Variants in SENP8 observed in about 807,000 individuals in gnomAD.
SENP8 encodes sentrin-specific protease 8.
SENP8 carries 10 observed loss-of-function variants against 14.4 expected under a neutral mutation model. That is an observed-to-expected ratio of 0.69 (90% CI 0.43 to 1.18). The LOEUF is 1.18. SENP8 is among the 50% of genes most tolerant of loss of function. The pLI is 0.00. For missense variants in SENP8, 202 were observed against 249.4 expected, an observed-to-expected ratio of 0.81 and a Z score of 1.28; for synonymous variants, 94 against 95.5, an observed-to-expected ratio of 0.98 and a Z score of 0.09.
intron 1 of SENP8, among the ~76,000 whole-genome samples, chr15:72,133,720 AAAT>A (rs2140516067): frequency 6.6e-6 from 1 of 152,332 alleles, no homozygotes; most frequent in East Asian, 1.9e-4. Context: ...TTATTGACTA[AAAT>A]AATGGTATAT....
rs2081368935 is a variant in SENP8 at position 72,140,265 on chromosome 15, A to G, written c.*3A>G. ...TTACCACACTTGCTAAAAAGTAGCT[A>G]TTGAAGTATATTTGCGACTTTTGAA... On this transcript the variant is annotated 3_prime_UTR_variant, in exon 2 of 2. Coordinates refer to ENST00000340912, the MANE Select transcript of SENP8 (RefSeq NM_145204.4). 4.4e-6 allele frequency: 7 copies of G among 1,605,796 alleles called. No individual in the cohort carries two copies. The East Asian group carries it at 1.3e-4, about 31-fold the overall frequency.
rs1312682276 is a variant in SENP8, at chr15:72,142,395, T to C, written c.*2133T>C. The C allele has an allele frequency of 6.6e-6, 1 of 152,222 alleles. No homozygotes were observed. Among genetic ancestry groups the C allele is most frequent in the African/African-American group, 2.4e-5 (1 of 41,452 alleles). 9.4% of individuals were successfully genotyped at this position (152,222 alleles called of 1,614,324 possible). On this transcript the variant is annotated 3_prime_UTR_variant, in exon 2 of 2. Transcript: ENST00000340912. ...CTGCTTGACCACATACCATTCATGT[T>C]ACATGACACAAAATAGGAAAAAATC...
At chr15:72,129,996 G>A (rs1415861178) in intron 1 of SENP8, among the ~76,000 whole-genome samples, 2 of 152,058 alleles carry the variant, frequency 1.3e-5, no homozygotes, top group East Asian at 3.9e-4. Context: ...GACCAGCCTG[G>A]CCAACATGGT....
chr15:72,143,423 T>TA lies in SENP8; in HGVS notation c.*3162dup, dbSNP rs1009314884. Reference sequence around the variant, plus strand: ...GTAAAAAATGGCTGATAATTACTGTTATGTACAAAAGAGAAACTTATTCAA... The same window carrying TA: ...GTAAAAAATGGCTGATAATTACTGTTAATGTACAAAAGAGAAACTTATTCAA... On this transcript the variant is annotated 3_prime_UTR_variant, in exon 2 of 2. Transcript: ENST00000340912. 5.4e-4 allele frequency: 82 copies of TA among 152,328 alleles called. No homozygotes were observed. Among genetic ancestry groups the TA allele is most frequent in the African/African-American group, 1.9e-3 (80 of 41,586 alleles). The allele number at this position is 152,328 out of a possible 1,614,324, so 9.4% of individuals were successfully genotyped here.
In SENP8 at chr15:72,142,453, A is replaced by C. The variant is rs1364073314; in HGVS notation, c.*2191A>C. The C allele has an allele frequency of 1.3e-5, 2 of 152,228 alleles. No individual in the cohort carries two copies. Among genetic ancestry groups the C allele is most frequent in the African/African-American group, 4.8e-5 (2 of 41,452 alleles). The allele number at this position is 152,228 out of a possible 1,614,324, so 9.4% of individuals were successfully genotyped here. On this transcript the variant is annotated 3_prime_UTR_variant, in exon 2 of 2. Transcript: ENST00000340912. ...GGTATTGCGTTCCCTTCTCTCTTAG[A>C]GTCAAAAGGATCTATTCTGCAAAAT...
chr15:72,133,456 CCTCT>C (rs748690035), intron 1 of SENP8, among the ~76,000 whole-genome samples: 5 of 152,216 alleles, frequency 3.3e-5, no homozygotes, highest in Non-Finnish European at 7.3e-5. Context: ...ACTTTCTTTA[CCTCT>C]CTGTCTTCCA....
intron 1 of SENP8, among the ~76,000 whole-genome samples, chr15:72,129,160 T>C (rs1258563170): frequency 6.6e-6 from 1 of 152,234 alleles, no homozygotes; most frequent in East Asian, 1.9e-4. Flanking sequence ...AATAAATACT[T>C]ATACATCTAT....
At chr15:72,119,721 C>G (rs1268872455) in intron 1 of SENP8, among the ~76,000 whole-genome samples, 1 of 152,108 alleles carries the variant, frequency 6.6e-6, no homozygotes, top group Non-Finnish European at 1.5e-5. Flanking sequence ...GCACTCCAGC[C>G]TGGGTGACAG....
chr15:72,139,787 G>A lies in SENP8; in HGVS notation c.164G>A (p.Ser55Asn). 6.2e-7 allele frequency: 1 copy of A among 1,614,132 alleles called. No individual in the cohort carries two copies. Among genetic ancestry groups the A allele is most frequent in the Non-Finnish European group, 8.5e-7 (1 of 1,180,028 alleles). ...HDCSDHVSFI[S>N]PEVTQFIKCT... ...TGCTCTGATCACGTCAGTTTCATCAGCCCTGAAGTCACCCAGTTCATCAAG... is the reference window on the plus strand; with the variant it reads ...TGCTCTGATCACGTCAGTTTCATCAACCCTGAAGTCACCCAGTTCATCAAG... The change falls in exon 2 of 2, where the codon AGC becomes AAC. Residue 55 changes from serine to asparagine, a missense_variant. Ser to Asn is a conservative substitution (Grantham distance 46). Coordinates refer to ENST00000340912, the MANE Select transcript of SENP8 (RefSeq NM_145204.4).
chr15:72,122,525 G>A (rs2081178015), intron 1 of SENP8, among the ~76,000 whole-genome samples: 1 of 152,154 alleles, frequency 6.6e-6, no homozygotes, highest in Non-Finnish European at 1.5e-5. Context: ...ATTGAATTTG[G>A]GGTTTAGGTA....
chr15:72,139,846 C>G lies in SENP8; in HGVS notation c.223C>G (p.Leu75Val). Residue 75 changes from leucine to valine, a missense_variant, in exon 2 of 2, where the codon CTT (leucine) becomes GTT (valine). Leu to Val is a conservative substitution (Grantham distance 32, BLOSUM62 1). Coordinates refer to ENST00000340912, the MANE Select transcript of SENP8 (RefSeq NM_145204.4). Reference protein sequence around the residue: ...TSNPAEIAMFLEPLDLPNKRV... With the variant: ...TSNPAEIAMFVEPLDLPNKRV... ...CAACCCAGCAGAGATTGCCATGTTC[C>G]TTGAACCACTGGACCTCCCCAACAA... 1 of 1,614,216 alleles carries G rather than the reference C, an allele frequency of 6.2e-7. No homozygotes were observed.
chr15:72,127,033 C>T (rs184420476), intron 1 of SENP8, among the ~76,000 whole-genome samples: 2 of 152,174 alleles, frequency 1.3e-5, no homozygotes, highest in South Asian at 2.1e-4. Context: ...ATTTCTCTGC[C>T]GAACTTGATT....
chr15:72,121,649 C>T (rs1252149776), intron 1 of SENP8, among the ~76,000 whole-genome samples: 1 of 152,082 alleles, frequency 6.6e-6, no homozygotes, highest in Non-Finnish European at 1.5e-5. Flanking sequence ...AGGAGGATTA[C>T]ATGAGCCCAG....
Position 72,133,980 on chromosome 15 carries a change from G to A in SENP8, c.-47-5597G>A, listed in dbSNP as rs1596652006. Reference sequence around the variant, plus strand: ...GTTTTGTTTTTTTGGATGGAGTCTCGCTCTGTCACCCAGGCTGGAGTGCAG... The same window carrying A: ...GTTTTGTTTTTTTGGATGGAGTCTCACTCTGTCACCCAGGCTGGAGTGCAG... On this transcript the variant is annotated intron_variant, in intron 1 of 1. Transcript: ENST00000340912. Among the ~76,000 whole-genome samples, 8 of 151,928 alleles carry A rather than the reference G, an allele frequency of 5.3e-5. No homozygotes were observed. The South Asian group carries it at 1.7e-3, about 31-fold the overall frequency.
At chr15:72,116,106 T>C (rs1160200138), upstream of SENP8, among the ~76,000 whole-genome samples, 2 of 152,168 alleles carry the variant, frequency 1.3e-5, no homozygotes, top group Non-Finnish European at 2.9e-5. Context: ...ATTGGAAATA[T>C]CACAGAAAGG....
chr15:72,118,077 C>A (rs2081071024), upstream of SENP8: 3 of 394,008 alleles, frequency 7.6e-6, no homozygotes, highest in South Asian at 3.9e-4. Context: ...CCGCTTCGGT[C>A]GCGCGCCCCC....
At position 72,142,077 on chromosome 15, in the gene SENP8, C is replaced by A. The variant is rs1197567976; in HGVS notation, c.*1815C>A. On this transcript the variant is annotated 3_prime_UTR_variant, in exon 2 of 2. Coordinates refer to ENST00000340912, the MANE Select transcript of SENP8 (RefSeq NM_145204.4). ...GAAAGCAATCTTTCCTAACTCCCTA[C>A]GATTCATCTTATAAGTAAATTTATA... is the stretch of plus-strand genomic sequence containing the variant. 2 of 152,092 alleles carry A rather than the reference C, an allele frequency of 1.3e-5. No individual in the cohort carries two copies. Among genetic ancestry groups the A allele is most frequent in the African/African-American group, 2.4e-5 (1 of 41,416 alleles). 9.4% of individuals were successfully genotyped at this position (152,092 alleles called of 1,614,324 possible). A position where few individuals can be genotyped will look rare whatever the true frequency, so the allele number is the denominator to read the frequency against.
Position 72,123,871 on chromosome 15 carries a change from G to A in SENP8, c.-48+5407G>A, listed in dbSNP as rs28378260. On this transcript the variant is annotated intron_variant, in intron 1 of 1. Coordinates refer to ENST00000340912, the MANE Select transcript of SENP8 (RefSeq NM_145204.4). ...TGGAACTCTTGAGGTAGAAATGGTA[G>A]ACCAGGAATAAAATTATTTTCATGG... is the stretch of plus-strand genomic sequence containing the variant. Among the ~76,000 whole-genome samples the A allele has an allele frequency of 5.6e-3, 855 of 152,244 alleles. 11 individuals carry two copies. The highest frequency in any genetic ancestry group is 0.019 in the African/African-American group (809 of 41,550).
In SENP8 at chr15:72,129,751, G is replaced by A. The variant is rs2081254721; in HGVS notation, c.-47-9826G>A. 2.0e-5 allele frequency among the ~76,000 whole-genome samples: 3 copies of A among 151,214 alleles called. No homozygotes were observed. The South Asian group carries it at 6.3e-4, about 32-fold the overall frequency. ...CCAGCTACTTAGGAGGCTAAGGCAG[G>A]AGGATCACTTGAGCCCAGGAGGTCA... On this transcript the variant is annotated intron_variant, in intron 1 of 1. Coordinates refer to ENST00000340912, the MANE Select transcript of SENP8 (RefSeq NM_145204.4).
Sources: allele counts gnomAD v4.1 joint callset (sites outside exome capture counted in the v4.1 genomes callset), GRCh38; gene constraint gnomAD v4.1.1; transcripts MANE v1.5; gene names NCBI Gene and HGNC (gene_info 2026-07-23, HGNC 2026-07-21).